Variants in RBFOX1 observed in about 807,000 individuals in gnomAD.
RBFOX1 encodes RNA binding protein fox-1 homolog 1.
In RBFOX1, 8 loss-of-function variants were observed where a neutral mutation model predicts 57.7. The ratio of observed to expected loss-of-function variants is 0.14; its 90% CI spans 0.08 to 0.25. RBFOX1 has a LOEUF of 0.25. Ranked by LOEUF, RBFOX1 falls within the 10% of genes least tolerant of loss-of-function variation. RBFOX1 has a pLI of 1.00. For synonymous variants in RBFOX1, 326 were observed against 222.4 expected (o/e 1.47, Z -4.15); for missense variants, 611 against 548.5 (o/e 1.11, Z -1.14).
intron 3 of RBFOX1, among the ~76,000 whole-genome samples, chr16:6,951,309 G>C (rs180979615): frequency 2.6e-5 from 4 of 152,286 alleles, no homozygotes; most frequent in East Asian, 3.9e-4. Context: ...CTGTAGGCTG[G>C]ATACTGGAGT....
chr16:7,683,569 A>G (rs1431794686), intron 14 of RBFOX1, among the ~76,000 whole-genome samples: 1 of 152,084 alleles, frequency 6.6e-6, no homozygotes, highest in Non-Finnish European at 1.5e-5. Flanking sequence ...CGTAGCTGTC[A>G]CAGCCACGTG....
intron 4 of RBFOX1, among the ~76,000 whole-genome samples, chr16:7,224,718 T>G (rs544612231): frequency 6.0e-4 from 91 of 152,302 alleles, no homozygotes; most frequent in Middle Eastern, 3.4e-3. Flanking sequence ...CTAAAACCAA[T>G]CAATGGGAAT....
At chr16:6,913,542 G>A (rs1412033167) in intron 3 of RBFOX1, among the ~76,000 whole-genome samples, 1 of 152,154 alleles carries the variant, frequency 6.6e-6, no homozygotes, top group Non-Finnish European at 1.5e-5. Flanking sequence ...TGAGCCCAGT[G>A]CCTGGTGTTC....
At chr16:6,548,066 C>G (rs990962324) in intron 2 of RBFOX1, among the ~76,000 whole-genome samples, 2 of 152,096 alleles carry the variant, frequency 1.3e-5, no homozygotes, top group African/African-American at 4.8e-5. Flanking sequence ...AATTGCAGGA[C>G]CTACTATTAA....
intron 2 of RBFOX1, among the ~76,000 whole-genome samples, chr16:6,405,069 G>C (rs1031432313): frequency 6.6e-6 from 1 of 152,166 alleles, no homozygotes; most frequent in African/African-American, 2.4e-5. Context: ...ATGATCAAGA[G>C]GCTTCCTGTG....
chr16:6,436,510 A>AC (rs201271864), intron 2 of RBFOX1, among the ~76,000 whole-genome samples: 14 of 80,952 alleles, frequency 1.7e-4, no homozygotes, highest in East Asian at 1.5e-3. Flanking sequence ...GTTTTTCTTC[A>AC]CTTTTTTTTT....
At chr16:5,520,506 T>C (rs1404880127) in intron 2 of RBFOX1, among the ~76,000 whole-genome samples, 1 of 152,236 alleles carries the variant, frequency 6.6e-6, no homozygotes, top group East Asian at 1.9e-4. Context: ...CTGGGGTTTC[T>C]GGGAAAACAT....
intron 1 of RBFOX1, among the ~76,000 whole-genome samples, chr16:6,244,492 C>G (rs1312715248): frequency 2.6e-5 from 4 of 152,062 alleles, no homozygotes; most frequent in South Asian, 4.1e-4. Flanking sequence ...TGGCGTGTGT[C>G]TCTGTAACTT....
chr16:5,699,864 T>C (rs7203941), intron 3 of RBFOX1, among the ~76,000 whole-genome samples: 134,447 of 152,112 alleles, frequency 0.88, 60,310 homozygotes, highest in Non-Finnish European at 0.96. Context: ...GACGGAGTCT[T>C]GCTCTGTCGC....
At chr16:5,737,978 G>C (rs1280068592) in intron 3 of RBFOX1, among the ~76,000 whole-genome samples, 3 of 152,068 alleles carry the variant, frequency 2.0e-5, no homozygotes, top group Non-Finnish European at 4.4e-5. Context: ...TCTACATTAA[G>C]TATTTCTGCT....
intron 1 of RBFOX1, among the ~76,000 whole-genome samples, chr16:5,373,221 C>A (rs376122284): frequency 6.6e-6 from 1 of 152,016 alleles, no homozygotes; most frequent in African/African-American, 2.4e-5. Flanking sequence ...TTCTAGGTGT[C>A]GTGTTACTGG....
intron 4 of RBFOX1, among the ~76,000 whole-genome samples, chr16:7,072,100 TACGGTAA>T (rs1399385387): frequency 6.6e-6 from 1 of 152,216 alleles, no homozygotes; most frequent in African/African-American, 2.4e-5. Context: ...TTGTTCCTTT[TACGGTAA>T]ACATGTATCT....
intron 3 of RBFOX1, among the ~76,000 whole-genome samples, chr16:5,653,966 C>T (rs1397056779): frequency 6.6e-6 from 1 of 152,178 alleles, no homozygotes; most frequent in African/African-American, 2.4e-5. Context: ...TCTCAGATCC[C>T]ATCTGGTCGG....
chr16:5,847,436 C>T (rs532313846), intron 3 of RBFOX1, among the ~76,000 whole-genome samples: 72 of 151,930 alleles, frequency 4.7e-4, no homozygotes, highest in Non-Finnish European at 9.6e-4. Flanking sequence ...ACAGATGTTA[C>T]AGGAGAGAGA....
intron 3 of RBFOX1, among the ~76,000 whole-genome samples, chr16:6,858,957 AG>A (rs2058395415): frequency 6.6e-6 from 1 of 151,502 alleles, no homozygotes; most frequent in Non-Finnish European, 1.5e-5. Flanking sequence ...TGTCAATCAA[AG>A]GTAGGTAAAA....
At chr16:7,683,153 C>G (rs1268083475) in intron 14 of RBFOX1, among the ~76,000 whole-genome samples, 1 of 147,282 alleles carries the variant, frequency 6.8e-6, no homozygotes, top group East Asian at 2.1e-4. Context: ...ATGGAGATGG[C>G]TCTGAAATAG....
At chr16:7,007,968 G>C (rs972896897) in intron 3 of RBFOX1, among the ~76,000 whole-genome samples, 1 of 152,174 alleles carries the variant, frequency 6.6e-6, no homozygotes, top group Non-Finnish European at 1.5e-5. Context: ...AATGGCAACA[G>C]ATTTCAGAAA....
intron 4 of RBFOX1, among the ~76,000 whole-genome samples, chr16:7,475,794 G>A (rs571383977): frequency 1.1e-3 from 161 of 152,240 alleles, no homozygotes; most frequent in African/African-American, 3.6e-3. Flanking sequence ...GTAGCTAACA[G>A]AGCACCTGAA....
At chr16:7,185,369 C>T (rs905450283) in intron 4 of RBFOX1, among the ~76,000 whole-genome samples, 1 of 152,122 alleles carries the variant, frequency 6.6e-6, no homozygotes, top group African/African-American at 2.4e-5. Flanking sequence ...ATGTTTCTGA[C>T]AGGCAATTTC....
Sources: gnomAD v4.1 joint callset for allele counts (sites outside exome capture counted in the v4.1 genomes callset) on GRCh38, gnomAD v4.1.1 for gene constraint, MANE v1.5 for transcripts, NCBI Gene and HGNC (gene_info 2026-07-23, HGNC 2026-07-21) for gene names.